POLR3H: variants seen among roughly 807,000 people sequenced by gnomAD.
POLR3H encodes the protein RNA polymerase III subunit H.
A neutral mutation model predicts 25.5 loss-of-function variants in POLR3H; 17 were observed. The ratio of observed to expected loss-of-function variants is 0.67; its 90% CI spans 0.46 to 1.00. The LOEUF is 1.00. Among genes scored for constraint, POLR3H ranks in the 50% least tolerant of loss-of-function variants. The pLI is 0.00. For synonymous variants in POLR3H, 129 were observed against 103.0 expected (o/e 1.25, Z -1.53); for missense variants, 274 against 265.0 (o/e 1.03, Z -0.24).
At position 41,532,762 on chromosome 22, in the gene POLR3H, C is replaced by T; in HGVS notation, c.209-17G>A. 6.2e-7 allele frequency: 1 copy of T among 1,611,878 alleles called. No individual in the cohort carries two copies. The highest frequency in any genetic ancestry group is 2.2e-5 in the East Asian group (1 of 44,848). Reference sequence around the variant, plus strand: ...GAAAATGGACTGGAAATGAAGACAGCCCATCAGTGATGCTGACCGGGGCCC... The same window carrying T: ...GAAAATGGACTGGAAATGAAGACAGTCCATCAGTGATGCTGACCGGGGCCC... On this transcript the variant is annotated splice_polypyrimidine_tract_variant and intron_variant, in intron 2 of 5. Transcript: ENST00000355209.
intron 4 of POLR3H, among the ~76,000 whole-genome samples, 200 bp downstream of exon 4, chr22:41,531,894 G>C (rs1601948553): frequency 6.6e-6 from 1 of 152,224 alleles, no homozygotes; most frequent in East Asian, 1.9e-4. Context: ...GACAAAGACA[G>C]GCATGTGGGC....
At chr22:41,542,081 C>T (rs1025183188) in intron 1 of POLR3H, among the ~76,000 whole-genome samples, 2 of 148,502 alleles carry the variant, frequency 1.3e-5, no homozygotes, top group African/African-American at 5.0e-5. Flanking sequence ...GGGTATTTTA[C>T]CCCTTCTTCT....
rs140567350 is a variant in POLR3H, at chr22:41,530,813, G to C, written c.435C>G (p.Gly145=). 3 of 1,613,954 alleles carry C rather than the reference G, an allele frequency of 1.9e-6. No homozygotes were observed. The highest frequency in any genetic ancestry group is 2.7e-5 in the African/African-American group (2 of 74,922). The part of the protein sequence containing the change: ...EGAHDLYMDT[G]EEIRFRVVDE... Reference sequence around the variant, plus strand: ...CCACCACCCGGAAGCGGATCTCCTCGCCGGTGTCCATGTAGAGGTCGTGTG... The same window carrying C: ...CCACCACCCGGAAGCGGATCTCCTCCCCGGTGTCCATGTAGAGGTCGTGTG... The change falls in exon 5 of 6, where the codon GGC becomes GGG. Residue 145 remains glycine (G), a synonymous_variant. Coordinates refer to ENST00000355209, the MANE Select transcript of POLR3H (RefSeq NM_001018050.4).
At chr22:41,535,739 C>G (rs1442970311) in intron 2 of POLR3H, among the ~76,000 whole-genome samples, 1 of 151,942 alleles carries the variant, frequency 6.6e-6, no homozygotes, top group African/African-American at 2.4e-5. Context: ...TTTGGGAGGC[C>G]AAGGCAGGAT....
rs1258732625 is a variant in POLR3H at position 41,528,984 on chromosome 22, C to G, written c.*299G>C. On this transcript the variant is annotated 3_prime_UTR_variant, in exon 6 of 6. Transcript: ENST00000355209. Reference sequence around the variant, plus strand: ...CAAGAATCCAAAACCAGTGACTGTTCTGTGAGTGATTGGTGTCTGTGCCGT... The same window carrying G: ...CAAGAATCCAAAACCAGTGACTGTTGTGTGAGTGATTGGTGTCTGTGCCGT... 8 of 534,812 alleles carry G rather than the reference C, an allele frequency of 1.5e-5. No individual in the cohort carries two copies. Among genetic ancestry groups the G allele is most frequent in the Non-Finnish European group, 2.3e-5 (7 of 303,308 alleles). 33.1% of individuals were successfully genotyped at this position (534,812 alleles called of 1,614,324 possible). A position where few individuals can be genotyped will look rare whatever the true frequency, so the allele number is the denominator to read the frequency against.
At chr22:41,532,481 C>A (rs2066756376) in intron 3 of POLR3H, 178 bp downstream of exon 3, 1 of 1,144,418 alleles carries the variant, frequency 8.7e-7, no homozygotes, top group Admixed American at 2.7e-5. Context: ...AGTGAAACCG[C>A]ACTGCTGATG....
Position 41,540,760 on chromosome 22 carries a change from A to T in POLR3H, c.147T>A (p.Phe49Leu), listed in dbSNP as rs2066915941. The T allele has an allele frequency of 2.5e-6, 4 of 1,614,166 alleles. No homozygotes were observed. The highest frequency in any genetic ancestry group is 3.4e-6 in the Non-Finnish European group (4 of 1,180,014). The change falls in exon 2 of 6, where the codon TTT becomes TTA. Residue 49 changes from phenylalanine (F) to leucine (L), a missense_variant. By Grantham distance (22) the Phe-to-Leu change is conservative. Coordinates refer to ENST00000355209, the MANE Select transcript of POLR3H (RefSeq NM_001018050.4). ...VYNVGLCICLFDITKLEDAYV... is the reference protein window; with the variant it reads ...VYNVGLCICLLDITKLEDAYV... ...AGGCATCCTCCAGTTTGGTGATATC[A>T]AACAGACAAATGCAGAGTCCCACGT...
Position 41,527,217 on chromosome 22 carries a change from GCAGGTAGGGCCAGA to G in POLR3H, c.*2052_*2065del, listed in dbSNP as rs560458565. ...CCAGGCGCCAGGTGGGTGAGGCCAG[GCAGGTAGGGCCAGA>G]CAGGTGAGGACGGTGCCCTCCTCTG... On this transcript the variant is annotated 3_prime_UTR_variant, in exon 6 of 6. Coordinates refer to ENST00000355209, the MANE Select transcript of POLR3H (RefSeq NM_001018050.4). 1 of 1,610,330 alleles carries G rather than the reference GCAGGTAGGGCCAGA, an allele frequency of 6.2e-7. No individual in the cohort carries two copies. Among genetic ancestry groups the G allele is most frequent in the Non-Finnish European group, 8.5e-7 (1 of 1,177,936 alleles).
Position 41,532,093 on chromosome 22 carries a change from C to G in POLR3H, c.359+1G>C. ...AAACCACTTTAACCCTTGGAGGATA[C>G]AACTTGGCTGGCTGCTGCAGTGACT... On this transcript the variant is annotated splice_donor_variant, in intron 4 of 5. Coordinates refer to ENST00000355209, the MANE Select transcript of POLR3H (RefSeq NM_001018050.4). LOFTEE classifies it high-confidence loss of function. 2 of 1,613,978 alleles carry G rather than the reference C, an allele frequency of 1.2e-6. No individual in the cohort carries two copies.
At chr22:41,533,393 A>G (rs2145549679) in intron 2 of POLR3H, 1 of 653,368 alleles carries the variant, frequency 1.5e-6, no homozygotes, top group Non-Finnish European at 2.1e-6. Context: ...CCTGAGAATC[A>G]GCACGCGGCT....
At chr22:41,532,591 G>C in intron 3 of POLR3H, 68 bp downstream of exon 3, 1 of 1,612,434 alleles carries the variant, frequency 6.2e-7, no homozygotes, top group Non-Finnish European at 8.5e-7. Flanking sequence ...TGACCATGTG[G>C]GTGGACACAG....
chr22:41,527,880 C>G lies in POLR3H; in HGVS notation c.*1403G>C, dbSNP rs772585907. On this transcript the variant is annotated 3_prime_UTR_variant, in exon 6 of 6. Coordinates refer to ENST00000355209, the MANE Select transcript of POLR3H (RefSeq NM_001018050.4). Reference sequence around the variant, plus strand: ...CCAGGCTAGTCAGGCCCCCGATGACCGAATGCCGCCTGCTTTCCAGAGACC... The same window carrying G: ...CCAGGCTAGTCAGGCCCCCGATGACGGAATGCCGCCTGCTTTCCAGAGACC... The G allele has an allele frequency of 6.8e-6, 11 of 1,614,106 alleles. No homozygotes were observed. The highest frequency in any genetic ancestry group is 1.7e-5 in the Admixed American group (1 of 60,020).
chr22:41,526,324 G>A lies in POLR3H; in HGVS notation c.*2959C>T. On this transcript the variant is annotated 3_prime_UTR_variant, in exon 6 of 6. Coordinates refer to ENST00000355209, the MANE Select transcript of POLR3H (RefSeq NM_001018050.4). Reference sequence around the variant, plus strand: ...CTGGCCCCTGGCTCAAGTTCCGTGGGCACTTGGATAACATCTCCAACAACC... The same window carrying A: ...CTGGCCCCTGGCTCAAGTTCCGTGGACACTTGGATAACATCTCCAACAACC... The A allele has an allele frequency of 6.2e-7, 1 of 1,612,984 alleles. No individual in the cohort carries two copies.
Position 41,526,437 on chromosome 22 carries a change from C to G in POLR3H, c.*2846G>C. On this transcript the variant is annotated 3_prime_UTR_variant, in exon 6 of 6. Coordinates refer to ENST00000355209, the MANE Select transcript of POLR3H (RefSeq NM_001018050.4). ...CAGGAGTTTGGCCCCGTCCCTGACA[C>G]TGCCCGCTACTACAAGGTGGGTCAG... 6.2e-7 allele frequency: 1 copy of G among 1,612,900 alleles called. No individual in the cohort carries two copies. The highest frequency in any genetic ancestry group is 1.1e-5 in the South Asian group (1 of 90,994).
chr22:41,536,601 C>T (rs2066851325), intron 2 of POLR3H, among the ~76,000 whole-genome samples: 1 of 150,042 alleles, frequency 6.7e-6, no homozygotes, highest in Non-Finnish European at 1.5e-5. Flanking sequence ...CGCAGTGGCT[C>T]ATGCCTATAA....
chr22:41,538,140 T>C (rs1375749115), intron 2 of POLR3H, among the ~76,000 whole-genome samples: 3 of 150,124 alleles, frequency 2.0e-5, no homozygotes, highest in Non-Finnish European at 4.5e-5. Context: ...TAATTTTTTT[T>C]TTTTTTTTTT....
intron 2 of POLR3H, chr22:41,533,375 A>G: frequency 9.8e-6 from 5 of 508,570 alleles, no homozygotes; most frequent in Non-Finnish European, 1.5e-5. Context: ...GTAGGAGTCC[A>G]ACGCTGACCT....
In POLR3H at chr22:41,526,174, C is replaced by G; in HGVS notation, c.*3109G>C. The G allele has an allele frequency of 7.9e-7, 1 of 1,270,884 alleles. No homozygotes were observed. 78.7% of individuals were successfully genotyped at this position (1,270,884 alleles called of 1,614,324 possible). ...CCCCTCTGTCACCCCTCCTGGGCCC[C>G]GGGGCCTGCTGCCTGCCTCTGGAGG... is the stretch of plus-strand genomic sequence containing the variant. On this transcript the variant is annotated 3_prime_UTR_variant, in exon 6 of 6. Coordinates refer to ENST00000355209, the MANE Select transcript of POLR3H (RefSeq NM_001018050.4).
intron 2 of POLR3H, among the ~76,000 whole-genome samples, chr22:41,534,196 C>T (rs1056030453): frequency 6.6e-6 from 1 of 152,114 alleles, no homozygotes; most frequent in African/African-American, 2.4e-5. Context: ...AGTCTGGGCA[C>T]TGGGCTCACG....
Sources: gnomAD v4.1 joint callset for allele counts (sites outside exome capture counted in the v4.1 genomes callset) on GRCh38, gnomAD v4.1.1 for gene constraint, MANE v1.5 for transcripts, NCBI Gene and HGNC (gene_info 2026-07-23, HGNC 2026-07-21) for gene names.